Variants in CTNNA3 observed in about 807,000 individuals in gnomAD.
The protein encoded by CTNNA3 is catenin alpha-3.
CTNNA3 carries 76 observed loss-of-function variants against 95.7 expected under a neutral mutation model. That is an observed-to-expected ratio of 0.79 (90% CI 0.66 to 0.96). The LOEUF is 0.96. CTNNA3 is among the 40% of genes least tolerant of loss of function. The pLI is 0.00. For missense variants in CTNNA3, 1,191 were observed against 1,089.8 expected (o/e 1.09, Z -1.31); for synonymous variants, 431 against 374.4 (o/e 1.15, Z -1.74).
At chr10:66,977,313 G>C (rs1314213148) in intron 7 of CTNNA3, among the ~76,000 whole-genome samples, 3 of 152,040 alleles carry the variant, frequency 2.0e-5, no homozygotes, top group African/African-American at 4.8e-5. Flanking sequence ...GCTGGTACCT[G>C]TAGTCCCAGC....
At position 67,521,956 on chromosome 10, in the gene CTNNA3, T is replaced by C; in HGVS notation, c.465A>G (p.Gln155=). 6.2e-7 allele frequency: 1 copy of C among 1,609,572 alleles called. No individual in the cohort carries two copies. The highest frequency in any genetic ancestry group is 1.1e-5 in the South Asian group (1 of 90,526). ...CATTTTTGAGAGACTCAAATGTCCT[T>C]TGAAACTGAAATTGAAAACAAAAGT... ...MCLLQHVSAF[Q]RTFESLKNVA... Residue 155 remains glutamine (Q), a synonymous_variant, in exon 5 of 18, where the codon CAA becomes CAG. Coordinates refer to ENST00000433211, the MANE Select transcript of CTNNA3 (RefSeq NM_013266.4).
intron 7 of CTNNA3, among the ~76,000 whole-genome samples, chr10:67,157,673 T>G (rs1861369151): frequency 1.3e-5 from 2 of 152,132 alleles, no homozygotes; most frequent in African/African-American, 4.8e-5. Flanking sequence ...TTTTTGCAAT[T>G]AGCCGCGCAT....
Position 66,454,628 on chromosome 10 carries a change from G to T in CTNNA3, c.1531+65989C>A, listed in dbSNP as rs61661679. 1.8e-3 allele frequency among the ~76,000 whole-genome samples: 253 copies of T among 138,964 alleles called. 1 individual carries two copies. Among genetic ancestry groups the T allele is most frequent in the African/African-American group, 6.6e-3 (248 of 37,578 alleles). The allele number at this position is 138,964 out of a possible 152,430, so 91.2% of individuals were successfully genotyped here. A position where few individuals can be genotyped will look rare whatever the true frequency, so the allele number is the denominator to read the frequency against. ...CAAAAATGTCATCTTTGGTGATGATGTCAATTGTTAGTTTCTACCAAACAT... is the reference window on the plus strand; with the variant it reads ...CAAAAATGTCATCTTTGGTGATGATTTCAATTGTTAGTTTCTACCAAACAT... On this transcript the variant is annotated intron_variant, in intron 11 of 17. Transcript: ENST00000433211.
At chr10:66,175,332 T>C (rs1199671954) in intron 13 of CTNNA3, among the ~76,000 whole-genome samples, 1 of 152,170 alleles carries the variant, frequency 6.6e-6, no homozygotes, top group Non-Finnish European at 1.5e-5. Context: ...ATAAGAAAGA[T>C]ACAGACTATG....
chr10:66,449,176 G>C (rs1490518368), intron 11 of CTNNA3, among the ~76,000 whole-genome samples: 1 of 152,062 alleles, frequency 6.6e-6, no homozygotes, highest in Non-Finnish European at 1.5e-5. Flanking sequence ...AGCAAAATGA[G>C]AGATGAGGGA....
At chr10:66,570,185 T>C (rs1281470783) in intron 10 of CTNNA3, among the ~76,000 whole-genome samples, 1 of 152,216 alleles carries the variant, frequency 6.6e-6, no homozygotes, top group Non-Finnish European at 1.5e-5. Context: ...GTGGGTTCAG[T>C]GTCTCTCCAC....
At chr10:65,997,023 G>A (rs10996817) in intron 15 of CTNNA3, among the ~76,000 whole-genome samples, 2 of 151,592 alleles carry the variant, frequency 1.3e-5, no homozygotes, top group African/African-American at 4.9e-5. Flanking sequence ...CATTAATTGT[G>A]TTTTTTTTAA....
rs144029597 is a variant in CTNNA3 at position 66,423,488 on chromosome 10, C to T, written c.1532-44136G>A. Among the ~76,000 whole-genome samples, 504 of 152,276 alleles carry T rather than the reference C, an allele frequency of 3.3e-3. 1 individual carries two copies. Among genetic ancestry groups the T allele is most frequent in the African/African-American group, 0.012 (483 of 41,554 alleles). ...AAAACCACCTAAATCCAAAGGGCATCAGCCTAATGGCTAAGGTCAGCATGA... is the reference window on the plus strand; with the variant it reads ...AAAACCACCTAAATCCAAAGGGCATTAGCCTAATGGCTAAGGTCAGCATGA... On this transcript the variant is annotated intron_variant, in intron 11 of 17. Transcript: ENST00000433211.
chr10:67,533,398 A>C (rs1840394613), intron 4 of CTNNA3, among the ~76,000 whole-genome samples: 1 of 152,216 alleles, frequency 6.6e-6, no homozygotes, highest in African/African-American at 2.4e-5. Flanking sequence ...AGTACAGAAA[A>C]GTCTGAAACA....
intron 1 of CTNNA3, among the ~76,000 whole-genome samples, chr10:67,657,831 C>A (rs1840067385): frequency 9.8e-6 from 1 of 101,576 alleles, no homozygotes; most frequent in South Asian, 3.1e-4. Context: ...TGGGCAACAA[C>A]AGTGAAATTC....
At chr10:66,387,969 T>C (rs973799359) in intron 11 of CTNNA3, among the ~76,000 whole-genome samples, 3 of 151,976 alleles carry the variant, frequency 2.0e-5, no homozygotes, top group Non-Finnish European at 4.4e-5. Context: ...GGGGGAGGGA[T>C]AACATTAGGA....
chr10:66,638,786 C>T (rs1845420184), intron 9 of CTNNA3, among the ~76,000 whole-genome samples: 1 of 81,222 alleles, frequency 1.2e-5, no homozygotes, highest in South Asian at 4.3e-4. Flanking sequence ...ATTCTTTTCT[C>T]TTTTCTCCCC....
chr10:67,177,082 C>T (rs1000814041), intron 7 of CTNNA3: 2 of 412,184 alleles, frequency 4.9e-6, no homozygotes, highest in African/African-American at 4.2e-5. Flanking sequence ...CATATGTATC[C>T]ACTCATATAA....
chr10:67,375,956 T>C (rs763930972), intron 5 of CTNNA3, among the ~76,000 whole-genome samples: 2 of 152,150 alleles, frequency 1.3e-5, no homozygotes, highest in Non-Finnish European at 2.9e-5. Context: ...GGATCAGTGC[T>C]CTTATAAAAG....
At chr10:66,696,808 G>A (rs1474454674) in intron 9 of CTNNA3, among the ~76,000 whole-genome samples, 2 of 151,994 alleles carry the variant, frequency 1.3e-5, no homozygotes, top group Non-Finnish European at 2.9e-5. Context: ...GCATGGTGGT[G>A]TGCGCCTGTA....
intron 5 of CTNNA3, among the ~76,000 whole-genome samples, chr10:67,416,607 C>CAAAAAA (rs368513767): frequency 7.8e-5 from 3 of 38,324 alleles, no homozygotes; most frequent in Admixed American, 2.6e-4. Context: ...GACTCTGTCT[C>CAAAAAA]AAAAAAAAAA....
chr10:66,496,626 G>A (rs765102965), intron 11 of CTNNA3, among the ~76,000 whole-genome samples: 2 of 152,186 alleles, frequency 1.3e-5, no homozygotes, highest in African/African-American at 4.8e-5. Flanking sequence ...TATTTATTCA[G>A]TGTAAAGGAT....
intron 5 of CTNNA3, among the ~76,000 whole-genome samples, chr10:67,297,530 C>T (rs1000519503): frequency 2.0e-5 from 3 of 152,176 alleles, no homozygotes; most frequent in Admixed American, 6.5e-5. Context: ...CTATGCAATC[C>T]ATCCATAAAT....
chr10:66,306,945 T>C (rs2091942844), intron 12 of CTNNA3, among the ~76,000 whole-genome samples: 1 of 152,212 alleles, frequency 6.6e-6, no homozygotes, highest in African/African-American at 2.4e-5. Context: ...AATTTATCTC[T>C]TTCTGGACCC....
Sources: gnomAD v4.1 joint callset for allele counts (sites outside exome capture counted in the v4.1 genomes callset) on GRCh38, gnomAD v4.1.1 for gene constraint, MANE v1.5 for transcripts, NCBI Gene and HGNC (gene_info 2026-07-23, HGNC 2026-07-21) for gene names.